The following SNAP47 variants were observed in gnomAD, a reference collection of about 807,000 sequenced individuals.
The protein encoded by SNAP47 is synaptosomal-associated protein 47.
Under a neutral mutation model 31.4 loss-of-function variants are expected in SNAP47, and 20 were observed. That is an observed-to-expected ratio of 0.64 (90% confidence interval 0.45 to 0.93). The LOEUF (loss-of-function observed/expected upper bound fraction) is 0.93. Ranked by LOEUF, SNAP47 falls within the 40% of genes least tolerant of loss-of-function variation. SNAP47 has a pLI of 0.00. For missense variants in SNAP47, 492 were observed against 528.5 expected, an observed-to-expected ratio of 0.93 and a Z score of 0.68; for synonymous variants, 194 against 213.4, an observed-to-expected ratio of 0.91 and a Z score of 0.79.
upstream of SNAP47, chr1:227,732,897 C>T: frequency 1.2e-6 from 2 of 1,612,738 alleles, no homozygotes; most frequent in African/African-American, 2.7e-5. Context: ...GTGGTGGTGC[C>T]AGTCGGGCAT....
At chr1:227,753,669 A>G (rs934066435) in intron 2 of SNAP47, among the ~76,000 whole-genome samples, 1 of 152,112 alleles carries the variant, frequency 6.6e-6, no homozygotes, top group Non-Finnish European at 1.5e-5. Context: ...TCACCATGGA[A>G]CAGGTGTAAA....
upstream of SNAP47, chr1:227,732,462 G>A (rs370895087): frequency 1.9e-5 from 30 of 1,613,170 alleles, no homozygotes; most frequent in South Asian, 2.0e-4. Flanking sequence ...TGGTGAGAAC[G>A]CGCTGGTGTC....
At chr1:227,733,241 CG>C, upstream of SNAP47, 3 of 864,570 alleles carry the variant, frequency 3.5e-6, no homozygotes, top group Non-Finnish European at 5.2e-6. Flanking sequence ...ACCCAGGGAC[CG>C]GCAGTGGGTG....
At chr1:227,776,965 T>C (rs1468491829) in intron 4 of SNAP47, 2 of 985,328 alleles carry the variant, frequency 2.0e-6, no homozygotes, top group African/African-American at 3.5e-5. Context: ...TCCGCTTCTA[T>C]AGGCAGATCA....
intron 2 of SNAP47, among the ~76,000 whole-genome samples, chr1:227,749,590 C>T (rs1322266628): frequency 6.6e-6 from 1 of 152,200 alleles, no homozygotes; most frequent in African/African-American, 2.4e-5. Context: ...TACTATCCAC[C>T]TTCCTGGATT....
At chr1:227,756,561 G>C (rs1662707897) in intron 2 of SNAP47, among the ~76,000 whole-genome samples, 1 of 152,218 alleles carries the variant, frequency 6.6e-6, no homozygotes, top group African/African-American at 2.4e-5. Context: ...CTGTCCTTCT[G>C]CCTGCTCAGA....
chr1:227,738,151 C>T (rs1210815343), intron 1 of SNAP47, among the ~76,000 whole-genome samples: 4 of 152,154 alleles, frequency 2.6e-5, no homozygotes, highest in African/African-American at 9.7e-5. Context: ...AAGTGATTCT[C>T]CTGCCTCAGC....
chr1:227,747,599 C>T (rs1558194690), intron 1 of SNAP47, 93 bp from the exon 2 acceptor site: 2 of 1,337,950 alleles, frequency 1.5e-6, no homozygotes, highest in East Asian at 2.3e-5. Flanking sequence ...CCTGTGTGAG[C>T]CCAGAGCCGC....
At chr1:227,732,448 G>A (rs753714968), upstream of SNAP47, 10 of 1,613,306 alleles carry the variant, frequency 6.2e-6, no homozygotes, top group Non-Finnish European at 8.5e-6. Context: ...AGCTCTTTGG[G>A]CTGTGGTGAG....
chr1:227,766,232 C>T (rs1367346066), intron 3 of SNAP47, among the ~76,000 whole-genome samples: 6 of 152,192 alleles, frequency 3.9e-5, no homozygotes, highest in African/African-American at 7.2e-5. Context: ...CTGACATCCT[C>T]GTAAATGACG....
At chr1:227,777,040 T>C in intron 4 of SNAP47, 1 of 985,404 alleles carries the variant, frequency 1.0e-6, no homozygotes, top group Non-Finnish European at 1.2e-6. Flanking sequence ...AACCCTAAAC[T>C]ATAGAAATTT....
upstream of SNAP47, chr1:227,733,124 C>A: frequency 7.3e-7 from 1 of 1,370,550 alleles, no homozygotes; most frequent in Non-Finnish European, 1.0e-6. Context: ...GGGGTCCAGC[C>A]CTCTGCAGCC....
At chr1:227,732,613 C>A (rs41270155), upstream of SNAP47, 13 of 1,613,388 alleles carry the variant, frequency 8.1e-6, no homozygotes, top group Non-Finnish European at 9.3e-6. Context: ...CTCTTCTCAG[C>A]GATGACCTTG....
rs1403417806 is a variant in SNAP47 at position 227,780,937 on chromosome 1, C to G, written c.*264C>G. The G allele has an allele frequency of 2.0e-6, 1 of 500,342 alleles. No individual in the cohort carries two copies. Among genetic ancestry groups the G allele is most frequent in the African/African-American group, 1.9e-5 (1 of 51,898 alleles). The allele number at this position is 500,342 out of a possible 1,614,324, so 31.0% of individuals were successfully genotyped here. ...CAGAAGTGTGGACCATGGCGGGACC[C>G]CAAGGACACTTGGCACAGGCCTGGA... On this transcript the variant is annotated 3_prime_UTR_variant, in exon 5 of 5. Coordinates refer to ENST00000617596, the MANE Select transcript of SNAP47 (RefSeq NM_053052.4).
In SNAP47 at chr1:227,754,439, C is replaced by G. The variant is rs1201502762; in HGVS notation, c.498-4556C>G. Among the ~76,000 whole-genome samples the G allele has an allele frequency of 2.6e-5, 4 of 152,300 alleles. No individual in the cohort carries two copies. In the East Asian group the frequency reaches 5.8e-4, roughly 22 times the overall value. On this transcript the variant is annotated intron_variant, in intron 2 of 4. Transcript: ENST00000617596. ...CAAAAATGCCTGTCTTTACCTTCCT[C>G]CATCTGTCCATCCGTAAGGGTGGAG...
At chr1:227,733,059 C>A (rs374738676), upstream of SNAP47, 3 of 1,610,092 alleles carry the variant, frequency 1.9e-6, no homozygotes, top group Non-Finnish European at 2.5e-6. Flanking sequence ...CAGGCCTGAG[C>A]CCATGGCAGG....
At chr1:227,739,506 A>C (rs1319994575) in intron 1 of SNAP47, among the ~76,000 whole-genome samples, 1 of 152,158 alleles carries the variant, frequency 6.6e-6, no homozygotes, top group Non-Finnish European at 1.5e-5. Context: ...GGGAGCCTGG[A>C]AAGATTGGCC....
upstream of SNAP47, chr1:227,732,875 C>T (rs374149536): frequency 1.5e-4 from 238 of 1,612,372 alleles, no homozygotes; most frequent in African/African-American, 3.1e-3. Flanking sequence ...TGCGTAGCCA[C>T]CCCACCTGGC....
At chr1:227,760,083 A>C (rs1436255131) in intron 3 of SNAP47, among the ~76,000 whole-genome samples, 1 of 152,172 alleles carries the variant, frequency 6.6e-6, no homozygotes, top group South Asian at 2.1e-4. Context: ...CAGTTGACTA[A>C]AGGTCTGTTC....
Sources: allele counts gnomAD v4.1 joint callset (sites outside exome capture counted in the v4.1 genomes callset), GRCh38; gene constraint gnomAD v4.1.1; transcripts MANE v1.5; gene names NCBI Gene and HGNC (gene_info 2026-07-23, HGNC 2026-07-21).